Variants in CASD1 observed in about 807,000 individuals in gnomAD.
The protein encoded by CASD1 is N-acetylneuraminate (7)9-O-acetyltransferase.
In CASD1, 41 loss-of-function variants were observed where a neutral mutation model predicts 100.0. The observed-to-expected ratio is 0.41, with a 90% CI of 0.32 to 0.53. The LOEUF (loss-of-function observed/expected upper bound fraction) is 0.53. Ranked by LOEUF, CASD1 falls within the 20% of genes least tolerant of loss-of-function variation. The pLI, the probability that CASD1 is intolerant of heterozygous loss-of-function variation, is 0.25. For missense variants in CASD1, 774 were observed against 948.7 expected (o/e 0.82, Z 2.42); for synonymous variants, 321 against 315.6 (o/e 1.02, Z -0.18).
Position 94,533,237 on chromosome 7 carries a change from A to G in CASD1, c.492A>G (p.Ala164=), listed in dbSNP as rs1794939298. 2 of 1,610,068 alleles carry G rather than the reference A, an allele frequency of 1.2e-6. No homozygotes were observed. Among genetic ancestry groups the G allele is most frequent in the African/African-American group, 1.3e-5 (1 of 74,988 alleles). The part of the protein sequence containing the change: ...DSIAKPHVIV[A]GAATWSIKIH... The stretch of plus-strand genomic sequence containing the variant: ...TTGCAAAGCCACATGTGATTGTAGC[A>G]GGAGCTGCCACAGTAAGTTATCATC... The change falls in exon 6 of 18, where the codon GCA becomes GCG. Residue 164 remains alanine, a synonymous_variant. Coordinates refer to ENST00000297273, the MANE Select transcript of CASD1 (RefSeq NM_022900.5).
chr7:94,603,169 A>G, the CASD1 span: 1 of 710,462 alleles, frequency 1.4e-6, no homozygotes, highest in Non-Finnish European at 2.4e-6. Flanking sequence ...TCTCAAGGGA[A>G]GTCAACTGCA....
chr7:94,605,934 T>G, the CASD1 span, among the ~76,000 whole-genome samples: 2 of 152,126 alleles, frequency 1.3e-5, no homozygotes, highest in Non-Finnish European at 1.5e-5. Flanking sequence ...GTTCAAGCAA[T>G]TCTCCTGCCT....
chr7:94,523,147 GACAAAGGTGTTCATT>G, intron 3 of CASD1, among the ~76,000 whole-genome samples: 1 of 152,228 alleles, frequency 6.6e-6, no homozygotes, highest in Middle Eastern at 3.4e-3. Flanking sequence ...TCAGGAAAAA[GACAAAGGTGTTCATT>G]ACTGCTGCTT....
At chr7:94,575,554 AG>A in the CASD1 span, among the ~76,000 whole-genome samples, 1 of 152,210 alleles carries the variant, frequency 6.6e-6, no homozygotes, top group African/African-American at 2.4e-5. Flanking sequence ...GAGGTCCATC[AG>A]ATCCATTTGG....
At chr7:94,514,035 G>C (rs976417455) in intron 1 of CASD1, among the ~76,000 whole-genome samples, 3 of 152,156 alleles carry the variant, frequency 2.0e-5, no homozygotes, top group Admixed American at 2.0e-4. Flanking sequence ...AATATCTGTA[G>C]CCTTAAGGAT....
chr7:94,510,244 G>T, intron 1 of CASD1, 27 bp downstream of exon 1: 1 of 1,441,246 alleles, frequency 6.9e-7, no homozygotes, highest in African/African-American at 1.5e-5. Context: ...CTCTGCCCGG[G>T]CAGGCCGTGG....
intron 1 of CASD1, among the ~76,000 whole-genome samples, chr7:94,513,157 T>C (rs1302153770): frequency 6.6e-6 from 1 of 152,068 alleles, no homozygotes; most frequent in East Asian, 1.9e-4. Context: ...GCCAACATGG[T>C]GAAACCTCTT....
At chr7:94,598,690 A>T in the CASD1 span, 3 of 979,046 alleles carry the variant, frequency 3.1e-6, no homozygotes, top group Non-Finnish European at 5.0e-6. Flanking sequence ...ACAAACAAAC[A>T]CAACAACAGA....
chr7:94,521,658 C>T (rs1260738560), intron 3 of CASD1, among the ~76,000 whole-genome samples: 2 of 152,108 alleles, frequency 1.3e-5, no homozygotes, highest in East Asian at 3.8e-4. Context: ...ATTTTATACA[C>T]ATGCATGTAC....
At chr7:94,537,361 C>G (rs562815958) in intron 8 of CASD1, 111 bp from the exon 9 acceptor site, 4 of 918,098 alleles carry the variant, frequency 4.4e-6, no homozygotes, top group Non-Finnish European at 5.0e-6. Context: ...GCAAAAGATA[C>G]GAAAGCATTC....
At chr7:94,545,495 A>G (rs1795630948) in intron 11 of CASD1, 50 bp from the exon 12 acceptor site, 1 of 1,456,938 alleles carries the variant, frequency 6.9e-7, no homozygotes, top group Non-Finnish European at 9.5e-7. Context: ...GTGTACCTAG[A>G]ATGAAAACAA....
chr7:94,553,074 T>C, intron 16 of CASD1: 4 of 386,662 alleles, frequency 1.0e-5, no homozygotes, highest in Non-Finnish European at 2.0e-5. Flanking sequence ...TATGCAATAC[T>C]TTAATTATAA....
the CASD1 span, among the ~76,000 whole-genome samples, chr7:94,606,406 G>A: frequency 6.6e-6 from 1 of 152,120 alleles, no homozygotes; most frequent in Admixed American, 6.6e-5. Flanking sequence ...ATGATAAAGA[G>A]GTCAATTCTT....
chr7:94,550,279 T>C (rs944223150), intron 14 of CASD1, among the ~76,000 whole-genome samples: 20 of 152,082 alleles, frequency 1.3e-4, no homozygotes, highest in African/African-American at 4.8e-4. Flanking sequence ...TTTTGACTGA[T>C]CTCTTTTTTC....
At chr7:94,601,759 A>T in the CASD1 span, among the ~76,000 whole-genome samples, 1 of 152,138 alleles carries the variant, frequency 6.6e-6, no homozygotes, top group Non-Finnish European at 1.5e-5. Flanking sequence ...CTTTTTAAAA[A>T]TGAGAACTAA....
At chr7:94,545,957 A>G (rs1795656688) in intron 12 of CASD1, among the ~76,000 whole-genome samples, 1 of 151,982 alleles carries the variant, frequency 6.6e-6, no homozygotes, top group Non-Finnish European at 1.5e-5. Context: ...ATTCTTCAAA[A>G]CCATTTTACA....
At chr7:94,526,666 A>G (rs1026043935) in intron 3 of CASD1, among the ~76,000 whole-genome samples, 1 of 152,096 alleles carries the variant, frequency 6.6e-6, no homozygotes, top group African/African-American at 2.4e-5. Context: ...GGTGGCGTGC[A>G]CCTGTGGTCC....
At position 94,554,919 on chromosome 7, in the gene CASD1, T is replaced by A. The variant is rs554314087; in HGVS notation, c.2127+344T>A. Among the ~76,000 whole-genome samples the A allele has an allele frequency of 3.3e-5, 5 of 152,232 alleles. 1 individual carries two copies. Among genetic ancestry groups the A allele is most frequent in the Admixed American group, 3.3e-4 (5 of 15,260 alleles). On this transcript the variant is annotated intron_variant, in intron 17 of 17. Coordinates refer to ENST00000297273, the MANE Select transcript of CASD1 (RefSeq NM_022900.5). ...AAATGAAATCAAACTGAGGGGATTTTGATTTTTTGTTCATCTCCATAATTA... is the reference window on the plus strand; with the variant it reads ...AAATGAAATCAAACTGAGGGGATTTAGATTTTTTGTTCATCTCCATAATTA...
At chr7:94,631,520 T>C in the CASD1 span, among the ~76,000 whole-genome samples, 2 of 151,948 alleles carry the variant, frequency 1.3e-5, no homozygotes, top group South Asian at 4.2e-4. Context: ...TCAGAAAAGA[T>C]TTATGGAAGA....
Sources: allele counts gnomAD v4.1 joint callset (sites outside exome capture counted in the v4.1 genomes callset), GRCh38; gene constraint gnomAD v4.1.1; transcripts MANE v1.5; gene names NCBI Gene and HGNC (gene_info 2026-07-23, HGNC 2026-07-21).